Variants in CPED1 observed in about 807,000 individuals in gnomAD.
The protein encoded by CPED1 is cadherin-like and PC-esterase domain-containing protein 1.
Under a neutral mutation model 128.2 loss-of-function variants are expected in CPED1, and 114 were observed. That is an observed-to-expected ratio of 0.89 (90% CI 0.76 to 1.04). The LOEUF is 1.04. Ranked by LOEUF, CPED1 falls within the 50% of genes least tolerant of loss-of-function variation. The probability of loss-of-function intolerance (pLI) is 0.00; values close to 1 mark genes in which losing one functional copy is unlikely to be tolerated. For synonymous variants in CPED1, 462 were observed against 426.7 expected, an observed-to-expected ratio of 1.08 and a Z score of -1.02; for missense variants, 1,211 against 1,207.1, an observed-to-expected ratio of 1.00 and a Z score of -0.05.
chr7:121,064,328 G>T lies in CPED1; in HGVS notation c.616+15G>T. The T allele has an allele frequency of 6.3e-7, 1 of 1,576,474 alleles. No homozygotes were observed. Among genetic ancestry groups the T allele is most frequent in the Non-Finnish European group, 8.7e-7 (1 of 1,146,066 alleles). ...AAGATTCCCAGGTAATCTTTCGTTT[G>T]CTTCCTTAGGCTTAAACATGTGAGA... On this transcript the variant is annotated intron_variant, in intron 5 of 22. Coordinates refer to ENST00000310396, the MANE Select transcript of CPED1 (RefSeq NM_024913.5).
At chr7:121,033,729 A>G (rs2116865939) in intron 3 of CPED1, among the ~76,000 whole-genome samples, 1 of 152,366 alleles carries the variant, frequency 6.6e-6, no homozygotes, top group East Asian at 1.9e-4. Context: ...GTTGAAAATA[A>G]TGCTTATGAA....
chr7:121,047,716 T>A (rs1275473452), intron 4 of CPED1, among the ~76,000 whole-genome samples: 2 of 71,244 alleles, frequency 2.8e-5, no homozygotes, highest in South Asian at 8.2e-4. Context: ...CTTCTTCTTC[T>A]TTTTTTTTTT....
Position 121,140,924 on chromosome 7 carries a change from A to G in CPED1, c.1797A>G (p.Glu599=). Residue 599 remains glutamate (E), a synonymous_variant, in exon 15 of 23, where the codon GAA becomes GAG. Transcript: ENST00000310396. ...CAAAGATCAAAGATTATTACTGTGA[A>G]GTCCCATTTGATGTGGTAACAGTGA... ...FHPKIKDYYC[E]VPFDVVTVTI... The G allele has an allele frequency of 6.2e-7, 1 of 1,612,642 alleles. No homozygotes were observed. Among genetic ancestry groups the G allele is most frequent in the Non-Finnish European group, 8.5e-7 (1 of 1,179,118 alleles).
At chr7:121,168,532 T>C (rs1255715630) in intron 16 of CPED1, among the ~76,000 whole-genome samples, 2 of 152,310 alleles carry the variant, frequency 1.3e-5, no homozygotes, top group African/African-American at 2.4e-5. Context: ...TATGTAATGA[T>C]CACATCATGG....
intron 16 of CPED1, among the ~76,000 whole-genome samples, chr7:121,221,950 TTTAGTTTAA>T (rs1376720820): frequency 6.6e-6 from 1 of 152,204 alleles, no homozygotes; most frequent in Non-Finnish European, 1.5e-5. Context: ...GCAGAAGCCC[TTTAGTTTAA>T]TTAGATCCCA....
chr7:121,077,046 T>C (rs1012701132), intron 5 of CPED1, among the ~76,000 whole-genome samples: 3 of 152,090 alleles, frequency 2.0e-5, no homozygotes, highest in Admixed American at 1.3e-4. Flanking sequence ...TTCCTCCTGG[T>C]GGCCCCTGGA....
At chr7:121,065,207 A>G (rs1199382734) in intron 5 of CPED1, among the ~76,000 whole-genome samples, 1 of 152,150 alleles carries the variant, frequency 6.6e-6, no homozygotes, top group Admixed American at 6.5e-5. Flanking sequence ...ATCGACTGAT[A>G]TTTACTGAGA....
intron 18 of CPED1, among the ~76,000 whole-genome samples, chr7:121,245,868 T>C (rs1167073777): frequency 6.6e-6 from 1 of 152,070 alleles, no homozygotes; most frequent in Non-Finnish European, 1.5e-5. Flanking sequence ...TTTTTTGTAA[T>C]TATAGTAGAG....
chr7:121,157,339 G>T (rs1796310982), intron 16 of CPED1, among the ~76,000 whole-genome samples: 1 of 152,156 alleles, frequency 6.6e-6, no homozygotes, highest in Non-Finnish European at 1.5e-5. Flanking sequence ...AGTGACGGGG[G>T]CAGTCATAAG....
At chr7:121,168,388 A>T (rs983795345) in intron 16 of CPED1, among the ~76,000 whole-genome samples, 1 of 152,242 alleles carries the variant, frequency 6.6e-6, no homozygotes, top group African/African-American at 2.4e-5. Context: ...TCTCTTAAAT[A>T]TCACTTTTAA....
rs145667626 is a variant in CPED1 at position 121,155,145 on chromosome 7, G to A, written c.2055+13004G>A. Among the ~76,000 whole-genome samples, 137 of 151,996 alleles carry A rather than the reference G, an allele frequency of 9.0e-4. 2 individuals carry two copies. Among genetic ancestry groups the A allele is most frequent in the African/African-American group, 3.2e-3 (132 of 41,458 alleles). ...TAGCTATAAAAATATAAAATAACTAGGAATCAATCTAACTAAAGAAATGAA... is the reference window on the plus strand; with the variant it reads ...TAGCTATAAAAATATAAAATAACTAAGAATCAATCTAACTAAAGAAATGAA... On this transcript the variant is annotated intron_variant, in intron 16 of 22. Transcript: ENST00000310396.
At chr7:121,028,142 C>T (rs1471559769) in intron 3 of CPED1, among the ~76,000 whole-genome samples, 2 of 152,128 alleles carry the variant, frequency 1.3e-5, no homozygotes, top group African/African-American at 4.8e-5. Context: ...TGTTAAGTTG[C>T]AGACTGCAGA....
chr7:121,126,269 A>G (rs1795502040), intron 9 of CPED1, among the ~76,000 whole-genome samples: 1 of 152,126 alleles, frequency 6.6e-6, no homozygotes, highest in Non-Finnish European at 1.5e-5. Context: ...TTACATATAC[A>G]TATTTAGTTT....
intron 22 of CPED1, among the ~76,000 whole-genome samples, chr7:121,281,057 C>G (rs1432662986): frequency 6.6e-6 from 1 of 152,120 alleles, no homozygotes; most frequent in East Asian, 1.9e-4. Context: ...CAGTATAGGA[C>G]AATTTTGGAA....
intron 17 of CPED1, among the ~76,000 whole-genome samples, chr7:121,240,487 TAGTCTC>T (rs1798364784): frequency 1.3e-5 from 2 of 152,156 alleles, no homozygotes; most frequent in Admixed American, 6.5e-5. Context: ...TGCTTAAACA[TAGTCTC>T]TGTCAACACA....
At chr7:120,996,546 T>C (rs1470766278) in intron 2 of CPED1, among the ~76,000 whole-genome samples, 1 of 152,208 alleles carries the variant, frequency 6.6e-6, no homozygotes, top group Non-Finnish European at 1.5e-5. Context: ...TTGTGGTTTA[T>C]ATATTGCCTG....
intron 2 of CPED1, among the ~76,000 whole-genome samples, chr7:120,991,813 T>C (rs955290861): frequency 4.6e-5 from 7 of 152,200 alleles, no homozygotes; most frequent in African/African-American, 1.7e-4. Context: ...CAGTCTTAAG[T>C]ATTTTAACTG....
intron 9 of CPED1, among the ~76,000 whole-genome samples, chr7:121,126,395 C>G (rs1343391590): frequency 6.6e-6 from 1 of 151,792 alleles, no homozygotes; most frequent in Non-Finnish European, 1.5e-5. Context: ...TCCTTCCTCT[C>G]AAATTAAATA....
chr7:121,008,746 CTCT>C (rs1205017757), intron 2 of CPED1, among the ~76,000 whole-genome samples: 1 of 151,930 alleles, frequency 6.6e-6, no homozygotes, highest in African/African-American at 2.4e-5. Context: ...TGGTTTATTG[CTCT>C]TCTTGCAAAA....
Sources: allele counts gnomAD v4.1 joint callset (sites outside exome capture counted in the v4.1 genomes callset), GRCh38; gene constraint gnomAD v4.1.1; transcripts MANE v1.5; gene names NCBI Gene and HGNC (gene_info 2026-07-23, HGNC 2026-07-21).